The following ZNHIT6 variants were observed in gnomAD, a reference collection of about 807,000 sequenced individuals.
ZNHIT6 encodes the protein box C/D snoRNA protein 1.
A neutral mutation model predicts 57.2 loss-of-function variants in ZNHIT6; 45 were observed. The ratio of observed to expected loss-of-function variants is 0.79; its 90% confidence interval spans 0.62 to 1.01. ZNHIT6 has a LOEUF of 1.01. Ranked by LOEUF, ZNHIT6 falls within the 50% of genes least tolerant of loss-of-function variation. The pLI, the probability that ZNHIT6 is intolerant of heterozygous loss-of-function variation, is 0.00. For synonymous variants in ZNHIT6, 188 were observed against 190.0 expected, an observed-to-expected ratio of 0.99 and a Z score of 0.09; for missense variants, 528 against 567.3, an observed-to-expected ratio of 0.93 and a Z score of 0.70.
chr1:85,707,733 T>C lies in ZNHIT6; in HGVS notation c.552A>G (p.Glu184=). The C allele has an allele frequency of 6.2e-7, 1 of 1,613,558 alleles. No individual in the cohort carries two copies. Residue 184 remains glutamate (E), a synonymous_variant, in exon 1 of 10, where the codon GAA becomes GAG. Coordinates refer to ENST00000370574, the MANE Select transcript of ZNHIT6 (RefSeq NM_017953.4). ...TTTCTTTCTTCAGGAAATCCTTCTCTTCTTTTACACACTCTCCATGCATCA... is the reference window on the plus strand; with the variant it reads ...TTTCTTTCTTCAGGAAATCCTTCTCCTCTTTTACACACTCTCCATGCATCA... ...EELMHGECVK[E]EKDFLKKEIV...
At chr1:85,694,527 T>C (rs541129489) in intron 5 of ZNHIT6, among the ~76,000 whole-genome samples, 1 of 151,768 alleles carries the variant, frequency 6.6e-6, no homozygotes, top group Non-Finnish European at 1.5e-5. Context: ...AGTTGCACAA[T>C]CTTGGCTCAC....
intron 5 of ZNHIT6, among the ~76,000 whole-genome samples, chr1:85,701,537 T>A (rs1327652897): frequency 1.3e-5 from 2 of 152,228 alleles, no homozygotes; most frequent in South Asian, 4.1e-4. Flanking sequence ...TGTTATATTA[T>A]CTGTACTCAA....
intron 5 of ZNHIT6, 122 bp from the exon 6 acceptor site, chr1:85,681,026 T>G: frequency 1.5e-6 from 1 of 674,194 alleles, no homozygotes; most frequent in Non-Finnish European, 2.4e-6. Flanking sequence ...TAACATATAT[T>G]TTCTATTAAG....
chr1:85,681,007 C>T, intron 5 of ZNHIT6, 103 bp from the exon 6 acceptor site: 1 of 766,608 alleles, frequency 1.3e-6, no homozygotes, highest in Non-Finnish European at 2.1e-6. Flanking sequence ...CAAAATTATT[C>T]TTAGACTTTA....
intron 9 of ZNHIT6, 97 bp downstream of exon 9, chr1:85,657,750 T>C (rs1661100596): frequency 1.6e-6 from 2 of 1,213,156 alleles, no homozygotes; most frequent in Non-Finnish European, 1.2e-6. Context: ...TGTGTAAATA[T>C]AGTGGGAAAA....
At chr1:85,704,129 T>C (rs1197961366) in intron 4 of ZNHIT6, among the ~76,000 whole-genome samples, 1 of 152,204 alleles carries the variant, frequency 6.6e-6, no homozygotes, top group Non-Finnish European at 1.5e-5. Flanking sequence ...AAACTAAGTA[T>C]TGGCGAGAAT....
chr1:85,674,914 G>C (rs1320247320), intron 8 of ZNHIT6, among the ~76,000 whole-genome samples: 1 of 152,076 alleles, frequency 6.6e-6, no homozygotes, highest in Non-Finnish European at 1.5e-5. Flanking sequence ...ATAAACAGGG[G>C]ATACTGAGTA....
chr1:85,669,341 G>A (rs572931909), intron 8 of ZNHIT6, among the ~76,000 whole-genome samples: 92 of 151,998 alleles, frequency 6.1e-4, no homozygotes, highest in African/African-American at 2.1e-3. Flanking sequence ...CACTGAAAAC[G>A]ATTTTAAAAT....
At chr1:85,654,391 T>C (rs1661001961) in intron 9 of ZNHIT6, among the ~76,000 whole-genome samples, 1 of 152,222 alleles carries the variant, frequency 6.6e-6, no homozygotes, top group African/African-American at 2.4e-5. Context: ...TGCCACTGAA[T>C]AGATCACTAT....
At chr1:85,666,025 T>C (rs1362702967) in intron 8 of ZNHIT6, among the ~76,000 whole-genome samples, 1 of 152,214 alleles carries the variant, frequency 6.6e-6, no homozygotes, top group African/African-American at 2.4e-5. Flanking sequence ...CACTCAACTG[T>C]GTGCTTGTTC....
Position 85,707,987 on chromosome 1 carries a change from C to G in ZNHIT6, c.298G>C (p.Glu100Gln). 1 of 1,614,186 alleles carries G rather than the reference C, an allele frequency of 6.2e-7. No individual in the cohort carries two copies. Among genetic ancestry groups the G allele is most frequent in the Non-Finnish European group, 8.5e-7 (1 of 1,180,028 alleles). The change falls in exon 1 of 10, where the codon GAG becomes CAG. Residue 100 changes from glutamate (E) to glutamine (Q), a missense_variant. Physicochemically the swap from Glu to Gln is conservative, Grantham distance 29 (BLOSUM62 2). Transcript: ENST00000370574. ...TTCACCTCAGGCCTATCCTCCACCT[C>G]CTGTTCTACCCACTGGCCAGCCAAC... ...GRLAGQWVEQ[E>Q]VEDRPEVKDE... is the part of the protein sequence containing the mutation.
intron 5 of ZNHIT6, among the ~76,000 whole-genome samples, chr1:85,691,400 G>A (rs1189203751): frequency 2.0e-5 from 3 of 152,170 alleles, no homozygotes; most frequent in Non-Finnish European, 4.4e-5. Flanking sequence ...AAATGAGAGG[G>A]GGATAAGAAG....
Position 85,684,639 on chromosome 1 carries a change from A to C in ZNHIT6, c.1020-3735T>G, listed in dbSNP as rs10047201. On this transcript the variant is annotated intron_variant, in intron 5 of 9. Transcript: ENST00000370574. ...ATACTCATTTTCAGTGAGTTAATAC[A>C]GAGCACTTATTTACCAACACTTGCT... is the stretch of plus-strand genomic sequence containing the variant. Among the ~76,000 whole-genome samples, 1,317 of 152,342 alleles carry C rather than the reference A, an allele frequency of 8.6e-3. 19 individuals are homozygous for C. The highest frequency in any genetic ancestry group is 0.03 in the African/African-American group (1,247 of 41,578).
chr1:85,705,263 G>C (rs1254104770), intron 4 of ZNHIT6, among the ~76,000 whole-genome samples: 2 of 151,996 alleles, frequency 1.3e-5, no homozygotes, highest in African/African-American at 2.4e-5. Flanking sequence ...GCCCAGGCTG[G>C]AGTGTAGTGG....
intron 5 of ZNHIT6, among the ~76,000 whole-genome samples, chr1:85,690,547 C>T (rs1190339907): frequency 6.6e-6 from 1 of 151,936 alleles, no homozygotes; most frequent in Non-Finnish European, 1.5e-5. Flanking sequence ...GGGAGTCCTC[C>T]TCTGTGCTAC....
intron 8 of ZNHIT6, among the ~76,000 whole-genome samples, chr1:85,658,225 C>T (rs899109711): frequency 2.6e-5 from 4 of 151,990 alleles, no homozygotes; most frequent in African/African-American, 7.2e-5. Flanking sequence ...AAACAAGTTA[C>T]TAATTTTCTT....
intron 5 of ZNHIT6, among the ~76,000 whole-genome samples, chr1:85,697,240 C>T (rs1298941571): frequency 6.6e-6 from 1 of 152,088 alleles, no homozygotes; most frequent in East Asian, 1.9e-4. Context: ...AATGCATAAG[C>T]ACTCTGTGTC....
chr1:85,695,447 T>C (rs1662338919), intron 5 of ZNHIT6, among the ~76,000 whole-genome samples: 1 of 152,158 alleles, frequency 6.6e-6, no homozygotes, highest in African/African-American at 2.4e-5. Flanking sequence ...CTTTTGTCCA[T>C]TTTACTGATG....
chr1:85,662,166 A>AC (rs1166711337), intron 8 of ZNHIT6, among the ~76,000 whole-genome samples: 10 of 151,320 alleles, frequency 6.6e-5, no homozygotes, highest in Non-Finnish European at 1.5e-4. Context: ...AAAAAAAAAA[A>AC]AAAAACCTCC....
Sources: allele counts gnomAD v4.1 joint callset (sites outside exome capture counted in the v4.1 genomes callset), GRCh38; gene constraint gnomAD v4.1.1; transcripts MANE v1.5; gene names NCBI Gene and HGNC (gene_info 2026-07-23, HGNC 2026-07-21).